THOP1: variants seen among roughly 807,000 people sequenced by gnomAD.
The protein encoded by THOP1 is thimet oligopeptidase 1, also known as thimet oligopeptidase.
THOP1 carries 49 observed loss-of-function variants against 71.8 expected under a neutral mutation model. That is an observed-to-expected ratio of 0.68 (90% CI 0.54 to 0.87). THOP1 has a LOEUF of 0.87. THOP1 is among the 40% of genes least tolerant of loss of function. The pLI is 0.00. For synonymous variants in THOP1, 426 were observed against 421.5 expected (o/e 1.01, Z -0.13); for missense variants, 843 against 975.6 (o/e 0.86, Z 1.81).
Position 2,804,289 on chromosome 19 carries a change from G to A in THOP1, c.590-727G>A, listed in dbSNP as rs767849569. Among the ~76,000 whole-genome samples the A allele has an allele frequency of 7.9e-5, 12 of 152,170 alleles. No individual in the cohort carries two copies. The highest frequency in any genetic ancestry group is 2.1e-4 in the South Asian group (1 of 4,830). ...GGCCAGGTGGGAGGGTGTGGCTGCC[G>A]GGCAGCGGGGTGAACTGTGTCCTGC... is the stretch of plus-strand genomic sequence containing the variant. On this transcript the variant is annotated intron_variant, in intron 5 of 12. Coordinates refer to ENST00000307741, the MANE Select transcript of THOP1 (RefSeq NM_003249.5). This position sits in a 1 kb window ranked among gnomAD's most constrained non-coding sequence, Gnocchi z 4.7.
At chr19:2,811,187 A>G (rs1916452549) in intron 11 of THOP1, among the ~76,000 whole-genome samples, 1 of 152,256 alleles carries the variant, frequency 6.6e-6, no homozygotes, top group Non-Finnish European at 1.5e-5. Flanking sequence ...GCGAGGATCC[A>G]GAATTTGGAA....
At chr19:2,809,760 G>C (rs1056063592) in intron 9 of THOP1, 3 of 154,904 alleles carry the variant, frequency 1.9e-5, no homozygotes, top group African/African-American at 7.2e-5. Flanking sequence ...GAGTCCCTTG[G>C]TGCATTCCGT....
chr19:2,786,408 G>A (rs975677324), intron 1 of THOP1, among the ~76,000 whole-genome samples: 1 of 152,114 alleles, frequency 6.6e-6, no homozygotes, highest in Admixed American at 6.5e-5. Context: ...ACCACACTTG[G>A]CTAATTTTTT....
Position 2,805,135 on chromosome 19 carries a change from AGGAGGAAAGT to A in THOP1, c.716_725del (p.Lys239ArgfsTer19). ...GAAGAAATGCCACGTGCCTGAGACCAGGAGGAAAGTGGAGGAGGCCTTCAACTGCCGGTGC... is the reference window on the plus strand; with the variant it reads ...GAAGAAATGCCACGTGCCTGAGACCAGGAGGAGGCCTTCAACTGCCGGTGC... On this transcript the variant is annotated frameshift_variant, in exon 6 of 13. Coordinates refer to ENST00000307741, the MANE Select transcript of THOP1 (RefSeq NM_003249.5). LOFTEE classifies it high-confidence loss of function. The surrounding 1 kb of genome is among the most constrained non-coding windows in gnomAD (Gnocchi z 6.6). 1 of 1,612,712 alleles carries A rather than the reference AGGAGGAAAGT, an allele frequency of 6.2e-7. No individual in the cohort carries two copies. Among genetic ancestry groups the A allele is most frequent in the Non-Finnish European group, 8.5e-7 (1 of 1,179,804 alleles).
chr19:2,806,988 G>A lies in THOP1; in HGVS notation c.822G>A (p.Thr274=), dbSNP rs536439231. ...AGTCCCGCCTGCTGGGGTTCCACAC[G>A]CACGCCGACTATGTCCTGGAGATGA... is the stretch of plus-strand genomic sequence containing the variant. The part of the protein sequence containing the change: ...AQKSRLLGFH[T]HADYVLEMNM... The change falls in exon 7 of 13, where the codon ACG becomes ACA. Residue 274 remains threonine, a synonymous_variant. Transcript: ENST00000307741. The A allele has an allele frequency of 3.6e-5, 58 of 1,612,960 alleles. No individual in the cohort carries two copies. The East Asian group carries it at 7.8e-4, about 22-fold the overall frequency.
In THOP1 at chr19:2,808,419, A is replaced by T. The variant is rs1208137329; in HGVS notation, c.1430A>T (p.His477Leu). The change falls in exon 9 of 13, where the codon CAC becomes CTC. Residue 477 changes from histidine (H) to leucine (L), a missense_variant. By Grantham distance (99) the His-to-Leu change is moderately conservative. Coordinates refer to ENST00000307741, the MANE Select transcript of THOP1 (RefSeq NM_003249.5). ...EVETYFHEFG[H>L]VMHQLCSQAE... ...GAGACCTACTTCCATGAGTTTGGCCACGTGATGCACCAGCTCTGCTCCCAG... is the reference window on the plus strand; with the variant it reads ...GAGACCTACTTCCATGAGTTTGGCCTCGTGATGCACCAGCTCTGCTCCCAG... 1 of 1,608,492 alleles carries T rather than the reference A, an allele frequency of 6.2e-7. No homozygotes were observed. The highest frequency in any genetic ancestry group is 1.1e-5 in the South Asian group (1 of 90,852).
At chr19:2,808,104 C>G in intron 8 of THOP1, 139 bp from the exon 9 acceptor site, 1 of 1,044,358 alleles carries the variant, frequency 9.6e-7, no homozygotes, top group East Asian at 2.7e-5. Flanking sequence ...GCCAAGCCAC[C>G]TCTGCTGAGA....
intron 4 of THOP1, among the ~76,000 whole-genome samples, chr19:2,798,638 G>C (rs1439491217): frequency 1.3e-5 from 2 of 152,270 alleles, no homozygotes; most frequent in African/African-American, 2.4e-5. Context: ...CATGGGGCCT[G>C]TTCCCAGGAG....
chr19:2,796,956 G>A (rs141367606), intron 4 of THOP1, among the ~76,000 whole-genome samples: 2 of 152,198 alleles, frequency 1.3e-5, no homozygotes, highest in East Asian at 1.9e-4. Context: ...GAAGTCAAGC[G>A]TAGTGTGTTA....
rs758264547 is a variant in THOP1, at chr19:2,799,709, G to A, written c.507G>A (p.Lys169=). The change falls in exon 5 of 13, where the codon AAG becomes AAA. Residue 169 remains lysine, a synonymous_variant. Coordinates refer to ENST00000307741, the MANE Select transcript of THOP1 (RefSeq NM_003249.5). ...TCCAGAACATCAAACGCATCAAGAA[G>A]AAGCTGAGCCTTCTGTGCATCGACT... is the stretch of plus-strand genomic sequence containing the variant. ...ETQENIKRIK[K]KLSLLCIDFN... 3.7e-6 allele frequency: 6 copies of A among 1,613,320 alleles called. No individual in the cohort carries two copies. In the South Asian group the frequency reaches 6.6e-5, roughly 18 times the overall value.
intron 1 of THOP1, among the ~76,000 whole-genome samples, chr19:2,786,173 G>A (rs911654938): frequency 1.8e-4 from 27 of 152,308 alleles, no homozygotes; most frequent in African/African-American, 6.5e-4. Context: ...GTCCTGCCAA[G>A]ACCGGGGAAG....
At chr19:2,800,165 CTTTA>C (rs966571787) in intron 5 of THOP1, among the ~76,000 whole-genome samples, 2 of 152,136 alleles carry the variant, frequency 1.3e-5, no homozygotes, top group East Asian at 1.9e-4. Flanking sequence ...TCCTGCCTGC[CTTTA>C]TTTATTTAAT....
chr19:2,812,386 A>C, intron 12 of THOP1: 1 of 1,502,052 alleles, frequency 6.7e-7, no homozygotes, highest in Non-Finnish European at 8.9e-7. Flanking sequence ...CCTCGGAGCC[A>C]CCAAGCAGGC....
In THOP1 at chr19:2,813,456, G is replaced by T; in HGVS notation, c.*180G>T. 1 of 777,230 alleles carries T rather than the reference G, an allele frequency of 1.3e-6. No individual in the cohort carries two copies. The highest frequency in any genetic ancestry group is 2.1e-5 in the South Asian group (1 of 47,176). The allele number at this position is 777,230 out of a possible 1,614,324, so 48.1% of individuals were successfully genotyped here. On this transcript the variant is annotated 3_prime_UTR_variant, in exon 13 of 13. Coordinates refer to ENST00000307741, the MANE Select transcript of THOP1 (RefSeq NM_003249.5). ...GGTCGTGGCCCACCCGGCTAGAGACGGCGTCCTCAAGGCATCTGGAGGGCT... is the reference window on the plus strand; with the variant it reads ...GGTCGTGGCCCACCCGGCTAGAGACTGCGTCCTCAAGGCATCTGGAGGGCT...
At chr19:2,810,104 T>C in intron 9 of THOP1, 200 bp from the exon 10 acceptor site, 1 of 641,818 alleles carries the variant, frequency 1.6e-6, no homozygotes. Context: ...TTCAGGTGTG[T>C]CCTGCTGCCA....
rs1219991367 is a variant in THOP1, at chr19:2,805,963, G to A, written c.750+787G>A. On this transcript the variant is annotated intron_variant, in intron 6 of 12. Coordinates refer to ENST00000307741, the MANE Select transcript of THOP1 (RefSeq NM_003249.5). The surrounding 1 kb of genome is among the most constrained non-coding windows in gnomAD (Gnocchi z 6.6). The stretch of plus-strand genomic sequence containing the variant: ...CGGGCGGGTGCCCATCACTGCGGGG[G>A]GATGGGCGGGTGCCCATCACTGCGG... 10 of 120,306 alleles carry A rather than the reference G, an allele frequency of 8.3e-5. 1 individual carries two copies. The South Asian group carries it at 3.0e-3, about 36-fold the overall frequency. 7.5% of individuals were successfully genotyped at this position (120,306 alleles called of 1,614,324 possible). A position where few individuals can be genotyped will look rare whatever the true frequency, so the allele number is the denominator to read the frequency against.
chr19:2,788,774 C>A lies in THOP1; in HGVS notation c.17-1647C>A, dbSNP rs189263938. 5.6e-4 allele frequency among the ~76,000 whole-genome samples: 84 copies of A among 150,480 alleles called. 1 individual carries two copies. Among genetic ancestry groups the A allele is most frequent in the African/African-American group, 1.9e-3 (77 of 40,888 alleles). On this transcript the variant is annotated intron_variant, in intron 1 of 12. Coordinates refer to ENST00000307741, the MANE Select transcript of THOP1 (RefSeq NM_003249.5). ...GATTACAGGCACAAGCCACAGCATC[C>A]GGCCAAGATGGAGTCTTGCTTTGTC...
At chr19:2,812,719 G>GCCCGTAGT (rs1916511052) in intron 12 of THOP1, among the ~76,000 whole-genome samples, 1 of 152,230 alleles carries the variant, frequency 6.6e-6, no homozygotes, top group African/African-American at 2.4e-5. Flanking sequence ...TGCCTCACCT[G>GCCCGTAGT]CCCGTAGTCC....
At chr19:2,798,534 C>T (rs1052646535) in intron 4 of THOP1, among the ~76,000 whole-genome samples, 3 of 152,224 alleles carry the variant, frequency 2.0e-5, no homozygotes, top group African/African-American at 4.8e-5. Context: ...TTAGGGCCAG[C>T]GCTGTGTGCT....
Sources: gnomAD v4.1 joint callset for allele counts (sites outside exome capture counted in the v4.1 genomes callset) on GRCh38, gnomAD v4.1.1 for gene constraint, Gnocchi (gnomAD v3.1) non-coding constraint, MANE v1.5 for transcripts, NCBI Gene and HGNC (gene_info 2026-07-23, HGNC 2026-07-21) for gene names.